The following ARHGEF10 variants were observed in gnomAD, a reference collection of about 807,000 sequenced individuals.
ARHGEF10 encodes the protein Rho guanine nucleotide exchange factor 10.
A neutral mutation model predicts 147.4 loss-of-function variants in ARHGEF10; 140 were observed. The ratio of observed to expected loss-of-function variants is 0.95; its 90% CI spans 0.83 to 1.09. ARHGEF10 has a LOEUF of 1.09. Ranked by LOEUF, ARHGEF10 falls within the 50% of genes least tolerant of loss-of-function variation. The pLI is 0.00. For missense variants in ARHGEF10, 2,222 were observed against 1,752.7 expected (o/e 1.27, Z -4.78); for synonymous variants, 902 against 695.8 (o/e 1.30, Z -4.67).
intron 11 of ARHGEF10, among the ~76,000 whole-genome samples, chr8:1,890,749 AGAGT>A (rs1487297775): frequency 1.3e-5 from 2 of 151,874 alleles, no homozygotes; most frequent in Non-Finnish European, 2.9e-5. Context: ...CTGTGAAGAG[AGAGT>A]GAGTAGTGAT....
intron 15 of ARHGEF10, among the ~76,000 whole-genome samples, chr8:1,902,770 T>C (rs1810572856): frequency 6.6e-6 from 1 of 152,334 alleles, no homozygotes; most frequent in Admixed American, 6.5e-5. Context: ...GATAGTGTCA[T>C]GCATCTTTGC....
rs561335310 is a variant in ARHGEF10 at position 1,846,913 on chromosome 8, C to T, written c.37+3477C>T. Among the ~76,000 whole-genome samples, 13 of 152,236 alleles carry T rather than the reference C, an allele frequency of 8.5e-5. No homozygotes were observed. The South Asian group carries it at 2.1e-3, about 24-fold the overall frequency. On this transcript the variant is annotated intron_variant, in intron 2 of 28. Transcript: ENST00000349830. ...ATTTTGAGTGTAGGTTTTTATACCGCGTTAACATTTGTGTTTGTGAGTATT... is the reference window on the plus strand; with the variant it reads ...ATTTTGAGTGTAGGTTTTTATACCGTGTTAACATTTGTGTTTGTGAGTATT...
At chr8:1,932,482 T>A (rs550177066) in intron 25 of ARHGEF10, among the ~76,000 whole-genome samples, 1 of 151,574 alleles carries the variant, frequency 6.6e-6, no homozygotes, top group Non-Finnish European at 1.5e-5. Context: ...GTGTGACATG[T>A]GCACGTGTGT....
chr8:1,900,047 C>T (rs1163644455), intron 15 of ARHGEF10, among the ~76,000 whole-genome samples: 1 of 152,204 alleles, frequency 6.6e-6, no homozygotes, highest in Admixed American at 6.5e-5. Flanking sequence ...TGTGAGGTCA[C>T]ACACGTTGTT....
At chr8:1,929,536 C>T (rs1812949632) in intron 25 of ARHGEF10, 93 bp downstream of exon 25, 68 of 1,453,928 alleles carry the variant, frequency 4.7e-5, no homozygotes, top group Non-Finnish European at 6.1e-5. Context: ...CCACCGGCCT[C>T]CTGCCTCCCG....
rs750044434 is a variant in ARHGEF10 at position 1,937,789 on chromosome 8, G to A, written c.3222+3847G>A. 2.3e-4 allele frequency among the ~76,000 whole-genome samples: 35 copies of A among 152,238 alleles called. No individual in the cohort carries two copies. Among genetic ancestry groups the A allele is most frequent in the Non-Finnish European group, 4.3e-4 (29 of 68,046 alleles). ...CGAATGGCCATATGCTGTCAGAACA[G>A]TGCCGGCCTGGGAGCTGCATGTGAT... On this transcript the variant is annotated intron_variant, in intron 26 of 28. Transcript: ENST00000349830. This position sits in a 1 kb window ranked among gnomAD's most constrained non-coding sequence, Gnocchi z 4.9.
At chr8:1,842,918 G>T (rs1487971709) in intron 1 of ARHGEF10, among the ~76,000 whole-genome samples, 1 of 152,206 alleles carries the variant, frequency 6.6e-6, no homozygotes, top group Non-Finnish European at 1.5e-5. Context: ...CCTAATCCCA[G>T]CTAAGTCTGG....
At chr8:1,829,502 G>A (rs774896791) in intron 1 of ARHGEF10, among the ~76,000 whole-genome samples, 1 of 152,228 alleles carries the variant, frequency 6.6e-6, no homozygotes, top group Non-Finnish European at 1.5e-5. Context: ...TTGTTCTCAA[G>A]CACTTGACTC....
chr8:1,826,226 G>C (rs1244377520), intron 1 of ARHGEF10: 2 of 1,197,444 alleles, frequency 1.7e-6, no homozygotes, highest in Non-Finnish European at 2.4e-6. Context: ...ATTCAGAATA[G>C]CTTTTTATGT....
chr8:1,851,560 C>T (rs1805153100), intron 2 of ARHGEF10, among the ~76,000 whole-genome samples: 1 of 152,182 alleles, frequency 6.6e-6, no homozygotes, highest in Admixed American at 6.5e-5. Context: ...ACTCTCTGTA[C>T]CTTCCTCTCA....
chr8:1,952,835 G>A lies in ARHGEF10; in HGVS notation c.3520+8G>A, dbSNP rs1282609071. ...GGATTCCCAAAGTGACCGGTGAGTG[G>A]CACCTGCAGTCTGAGTGGCTGCATC... On this transcript the variant is annotated splice_region_variant and intron_variant, in intron 28 of 28. Coordinates refer to ENST00000349830, the MANE Select transcript of ARHGEF10 (RefSeq NM_014629.4). The A allele has an allele frequency of 6.2e-7, 1 of 1,613,812 alleles. No homozygotes were observed. Among genetic ancestry groups the A allele is most frequent in the Non-Finnish European group, 8.5e-7 (1 of 1,180,054 alleles).
In ARHGEF10 at chr8:1,937,826, T is replaced by G. The variant is rs1038557490; in HGVS notation, c.3222+3884T>G. On this transcript the variant is annotated intron_variant, in intron 26 of 28. Coordinates refer to ENST00000349830, the MANE Select transcript of ARHGEF10 (RefSeq NM_014629.4). This position sits in a 1 kb window ranked among gnomAD's most constrained non-coding sequence, Gnocchi z 4.9. ...GAGCTGCATGTGATCTGGGCTTGGG[T>G]TGAGCGGGTTGGGAGATGCTAGCCA... Among the ~76,000 whole-genome samples the G allele has an allele frequency of 5.3e-5, 8 of 152,102 alleles. No homozygotes were observed. The highest frequency in any genetic ancestry group is 1.2e-4 in the Non-Finnish European group (8 of 68,010).
rs1192873511 is a variant in ARHGEF10 at position 1,905,717 on chromosome 8, G to GT, written c.1967+2dup. 6.8e-6 allele frequency: 11 copies of GT among 1,613,380 alleles called. No individual in the cohort carries two copies. Among genetic ancestry groups the GT allele is most frequent in the Non-Finnish European group, 8.5e-6 (10 of 1,180,040 alleles). On this transcript the variant is annotated splice_donor_variant, in intron 17 of 28. Coordinates refer to ENST00000349830, the MANE Select transcript of ARHGEF10 (RefSeq NM_014629.4). LOFTEE classifies it high-confidence loss of function. ...TAATGTGTGCCACCGTCAGCTCACG[G>GT]TAAGTGCATAAATTCTCTATAGTAG...
At chr8:1,908,195 C>G (rs1183892847) in intron 17 of ARHGEF10, among the ~76,000 whole-genome samples, 1 of 149,198 alleles carries the variant, frequency 6.7e-6, no homozygotes, top group African/African-American at 2.5e-5. Flanking sequence ...TGCATAGCAC[C>G]CGGCATTTTG....
At chr8:1,915,214 C>T (rs1035149228) in intron 18 of ARHGEF10, among the ~76,000 whole-genome samples, 1 of 152,154 alleles carries the variant, frequency 6.6e-6, no homozygotes, top group African/African-American at 2.4e-5. Context: ...TGGGCGCTGA[C>T]TCCGGATGGA....
chr8:1,869,394 G>A, intron 7 of ARHGEF10, 144 bp downstream of exon 7: 1 of 756,146 alleles, frequency 1.3e-6, no homozygotes, highest in Admixed American at 2.0e-5. Flanking sequence ...TTATTGATGT[G>A]TGGTGGAATA....
intron 2 of ARHGEF10, among the ~76,000 whole-genome samples, chr8:1,846,708 C>G (rs1804589824): frequency 6.6e-6 from 1 of 152,144 alleles, no homozygotes; most frequent in South Asian, 2.1e-4. Flanking sequence ...TCCTGAGTAG[C>G]TGGGATTATA....
At chr8:1,901,858 T>G (rs895755662) in intron 15 of ARHGEF10, among the ~76,000 whole-genome samples, 2 of 152,226 alleles carry the variant, frequency 1.3e-5, no homozygotes, top group East Asian at 3.8e-4. Flanking sequence ...CTGGAAACAT[T>G]TAATCATTTA....
chr8:1,944,511 C>T (rs147709381), intron 26 of ARHGEF10, among the ~76,000 whole-genome samples: 59 of 152,302 alleles, frequency 3.9e-4, no homozygotes, highest in African/African-American at 1.3e-3. Flanking sequence ...TTTGGTGCCA[C>T]GGGGCATGTG....
Sources: allele counts gnomAD v4.1 joint callset (sites outside exome capture counted in the v4.1 genomes callset), GRCh38; gene constraint gnomAD v4.1.1; non-coding constraint Gnocchi (gnomAD v3.1); transcripts MANE v1.5; gene names NCBI Gene and HGNC (gene_info 2026-07-23, HGNC 2026-07-21).